The following ARHGAP15 variants were observed in gnomAD, a reference collection of about 807,000 sequenced individuals.
The protein encoded by ARHGAP15 is Rho GTPase activating protein 15.
ARHGAP15 carries 51 observed loss-of-function variants against 63.7 expected under a neutral mutation model. The ratio of observed to expected loss-of-function variants is 0.80; its 90% confidence interval spans 0.64 to 1.01. The LOEUF (loss-of-function observed/expected upper bound fraction) is 1.01. Ranked by LOEUF, ARHGAP15 falls within the 50% of genes least tolerant of loss-of-function variation. The probability of loss-of-function intolerance (pLI) is 0.00; values close to 1 mark genes in which losing one functional copy is unlikely to be tolerated. For missense variants in ARHGAP15, 560 were observed against 564.6 expected (o/e 0.99, Z 0.08); for synonymous variants, 191 against 193.8 (o/e 0.99, Z 0.12).
intron 4 of ARHGAP15, among the ~76,000 whole-genome samples, chr2:143,218,232 C>T (rs1383691384): frequency 1.4e-5 from 2 of 147,166 alleles, no homozygotes; most frequent in Non-Finnish European, 3.0e-5. Flanking sequence ...TACCATTATG[C>T]ATTCTTTCAG....
intron 6 of ARHGAP15, among the ~76,000 whole-genome samples, chr2:143,409,763 C>T (rs1304401979): frequency 6.6e-6 from 1 of 152,080 alleles, no homozygotes; most frequent in Non-Finnish European, 1.5e-5. Flanking sequence ...CAGTAATATG[C>T]TAGACTAGTT....
chr2:143,535,607 T>C (rs1245524625), intron 10 of ARHGAP15, among the ~76,000 whole-genome samples: 1 of 152,220 alleles, frequency 6.6e-6, no homozygotes, highest in African/African-American at 2.4e-5. Context: ...TGGGAACCAA[T>C]GGCATAAAAT....
chr2:143,744,335 G>C (rs2105512996), intron 13 of ARHGAP15, among the ~76,000 whole-genome samples: 1 of 152,290 alleles, frequency 6.6e-6, no homozygotes, highest in South Asian at 2.1e-4. Context: ...ACAGTGTTTG[G>C]TTTTCCTTAT....
At chr2:143,175,489 G>T (rs1209409435) in intron 2 of ARHGAP15, among the ~76,000 whole-genome samples, 1 of 152,150 alleles carries the variant, frequency 6.6e-6, no homozygotes, top group African/African-American at 2.4e-5. Flanking sequence ...AGAGATCCCT[G>T]TGATAATGAT....
intron 4 of ARHGAP15, among the ~76,000 whole-genome samples, chr2:143,218,844 G>T (rs1038143988): frequency 1.3e-5 from 2 of 152,132 alleles, no homozygotes; most frequent in Non-Finnish European, 2.9e-5. Flanking sequence ...GTAGGTGATT[G>T]TAACATAATG....
chr2:143,400,180 G>C (rs930220201), intron 6 of ARHGAP15, among the ~76,000 whole-genome samples: 1 of 151,886 alleles, frequency 6.6e-6, no homozygotes, highest in Non-Finnish European at 1.5e-5. Context: ...ATTTTTTTAA[G>C]TCTCAACTGT....
At chr2:143,532,755 T>A (rs1574589477) in intron 10 of ARHGAP15, among the ~76,000 whole-genome samples, 1 of 152,326 alleles carries the variant, frequency 6.6e-6, no homozygotes, top group East Asian at 1.9e-4. Flanking sequence ...TAGACTAGAA[T>A]ATGGTAACTT....
chr2:143,611,955 G>C (rs1698272432), intron 11 of ARHGAP15, among the ~76,000 whole-genome samples: 1 of 152,114 alleles, frequency 6.6e-6, no homozygotes, highest in Non-Finnish European at 1.5e-5. Context: ...GGCCTTCATG[G>C]TATCTTGCTG....
chr2:143,636,689 A>G (rs1343756470), intron 12 of ARHGAP15, among the ~76,000 whole-genome samples: 1 of 152,192 alleles, frequency 6.6e-6, no homozygotes, highest in Non-Finnish European at 1.5e-5. Flanking sequence ...GAGCCTGTTC[A>G]GTGCTCTCCT....
At chr2:143,309,016 T>C (rs1022059251) in intron 6 of ARHGAP15, among the ~76,000 whole-genome samples, 18 of 151,758 alleles carry the variant, frequency 1.2e-4, no homozygotes, top group Non-Finnish European at 1.5e-5. Flanking sequence ...TCTGATAATA[T>C]TATCTCATAT....
chr2:143,666,084 G>T (rs1348507673), intron 12 of ARHGAP15, among the ~76,000 whole-genome samples: 1 of 151,370 alleles, frequency 6.6e-6, no homozygotes, highest in African/African-American at 2.4e-5. Context: ...AGTTCATATG[G>T]AACCAAAAAA....
At chr2:143,620,260 A>C (rs1324086967) in intron 11 of ARHGAP15, among the ~76,000 whole-genome samples, 3 of 152,200 alleles carry the variant, frequency 2.0e-5, no homozygotes, top group African/African-American at 7.2e-5. Context: ...CCAGTCCTGG[A>C]GTGGGTGTTT....
chr2:143,648,678 T>A (rs1019141296), intron 12 of ARHGAP15: 7 of 152,000 alleles, frequency 4.6e-5, no homozygotes, highest in Non-Finnish European at 7.4e-5. Flanking sequence ...TAATCAGAAA[T>A]AATGGCTTTA....
chr2:143,292,017 C>A (rs1413867642), intron 6 of ARHGAP15, among the ~76,000 whole-genome samples: 1 of 152,078 alleles, frequency 6.6e-6, no homozygotes, highest in African/African-American at 2.4e-5. Flanking sequence ...CTACCTCTAA[C>A]GCGATGGCTA....
At chr2:143,477,872 G>C (rs1691897994) in intron 8 of ARHGAP15, among the ~76,000 whole-genome samples, 1 of 152,190 alleles carries the variant, frequency 6.6e-6, no homozygotes, top group African/African-American at 2.4e-5. Context: ...TGAGCTCTGG[G>C]GTTGGGCATA....
chr2:143,512,772 A>T, intron 9 of ARHGAP15, among the ~76,000 whole-genome samples: 1 of 152,230 alleles, frequency 6.6e-6, no homozygotes, highest in East Asian at 1.9e-4. Context: ...GAGTGCCTGG[A>T]GTAGGCACTG....
chr2:143,637,424 T>A (rs967777525), intron 12 of ARHGAP15, among the ~76,000 whole-genome samples: 1 of 152,042 alleles, frequency 6.6e-6, no homozygotes, highest in Non-Finnish European at 1.5e-5. Flanking sequence ...TGCTGAAATG[T>A]GCACACCATC....
chr2:143,686,176 A>C (rs1001780704), intron 12 of ARHGAP15, among the ~76,000 whole-genome samples: 8 of 152,098 alleles, frequency 5.3e-5, no homozygotes, highest in Non-Finnish European at 1.2e-4. Flanking sequence ...TGGGAGGCCG[A>C]GGCAGGCAGA....
At chr2:143,659,890 G>GTT (rs112934638) in intron 12 of ARHGAP15, among the ~76,000 whole-genome samples, 24 of 151,516 alleles carry the variant, frequency 1.6e-4, no homozygotes, top group South Asian at 8.3e-4. Flanking sequence ...TTATCTTGGA[G>GTT]TTTTTTTTTC....
Sources: gnomAD v4.1 joint callset for allele counts (sites outside exome capture counted in the v4.1 genomes callset) on GRCh38, gnomAD v4.1.1 for gene constraint, MANE v1.5 for transcripts, NCBI Gene and HGNC (gene_info 2026-07-23, HGNC 2026-07-21) for gene names.